Variants in STK32B observed in about 807,000 individuals in gnomAD.
STK32B encodes the protein serine/threonine kinase 32B.
STK32B carries 43 observed loss-of-function variants against 52.6 expected under a neutral mutation model. The ratio of observed to expected loss-of-function variants is 0.82; its 90% CI spans 0.64 to 1.05. STK32B has a LOEUF of 1.05. STK32B is among the 50% of genes least tolerant of loss of function. The probability of loss-of-function intolerance (pLI) is 0.00; values close to 1 mark genes in which losing one functional copy is unlikely to be tolerated. For synonymous variants in STK32B, 238 were observed against 204.3 expected (o/e 1.17, Z -1.41); for missense variants, 621 against 534.6 (o/e 1.16, Z -1.59).
Position 5,113,832 on chromosome 4 carries a change from G to A in STK32B, c.53-26073G>A, listed in dbSNP as rs150971416. On this transcript the variant is annotated intron_variant, in intron 1 of 11. Transcript: ENST00000282908. ...CTTACAGTTCCACATGGCCGGGGAG[G>A]CCTCACAATCATGGTGGAAGGCAAG... Among the ~76,000 whole-genome samples, 1,190 of 152,256 alleles carry A rather than the reference G, an allele frequency of 7.8e-3. 18 individuals carry two copies. Among genetic ancestry groups the A allele is most frequent in the African/African-American group, 0.027 (1,118 of 41,534 alleles).
At chr4:5,023,615 C>T in the STK32B span, among the ~76,000 whole-genome samples, 1 of 152,194 alleles carries the variant, frequency 6.6e-6, no homozygotes, top group African/African-American at 2.4e-5. Flanking sequence ...TCTCTACCTC[C>T]ACTCCTCCCT....
Position 5,460,569 on chromosome 4 carries a change from T to C in STK32B, c.909+341T>C, listed in dbSNP as rs1304098264. Among the ~76,000 whole-genome samples, 3 of 152,262 alleles carry C rather than the reference T, an allele frequency of 2.0e-5. No individual in the cohort carries two copies. The highest frequency in any genetic ancestry group is 6.5e-5 in the Admixed American group (1 of 15,292). Reference sequence around the variant, plus strand: ...CTGCCGAGTAGAGGAAGACAGGCAATGACCTACCCCGACAGGGCAGTCAGC... The same window carrying C: ...CTGCCGAGTAGAGGAAGACAGGCAACGACCTACCCCGACAGGGCAGTCAGC... On this transcript the variant is annotated intron_variant, in intron 9 of 11. Transcript: ENST00000282908. This position sits in a 1 kb window ranked among gnomAD's most constrained non-coding sequence, Gnocchi z 4.8.
intron 2 of STK32B, among the ~76,000 whole-genome samples, chr4:5,152,758 G>T (rs974670227): frequency 6.6e-6 from 1 of 152,258 alleles, no homozygotes; most frequent in African/African-American, 2.4e-5. Context: ...TAAGCCTGAG[G>T]TGTGTGGATG....
chr4:5,134,924 C>T (rs1715988040), intron 1 of STK32B, among the ~76,000 whole-genome samples: 1 of 152,214 alleles, frequency 6.6e-6, no homozygotes, highest in South Asian at 2.1e-4. Flanking sequence ...TTTGAATAAA[C>T]AGCTTCATGA....
intron 6 of STK32B, among the ~76,000 whole-genome samples, chr4:5,446,153 G>C (rs1042234687): frequency 4.6e-5 from 7 of 152,216 alleles, no homozygotes; most frequent in African/African-American, 1.7e-4. Flanking sequence ...ATTCCACCCG[G>C]TAGTGTCACG....
rs374665885 is a variant in STK32B, at chr4:5,498,934, C to A, written c.1107-11C>A. The A allele has an allele frequency of 6.2e-7, 1 of 1,610,280 alleles. No individual in the cohort carries two copies. Among genetic ancestry groups the A allele is most frequent in the Non-Finnish European group, 8.5e-7 (1 of 1,178,016 alleles). On this transcript the variant is annotated splice_polypyrimidine_tract_variant and intron_variant, in intron 11 of 11. Transcript: ENST00000282908. Reference sequence around the variant, plus strand: ...GCCGCACCACTAACTCAGATCTGTGCTTGTTTGCAGGCTCAGGAGGCAGCA... The same window carrying A: ...GCCGCACCACTAACTCAGATCTGTGATTGTTTGCAGGCTCAGGAGGCAGCA...
intron 1 of STK32B, among the ~76,000 whole-genome samples, chr4:5,052,611 A>C (rs1281694346): frequency 6.6e-6 from 1 of 151,964 alleles, no homozygotes; most frequent in African/African-American, 2.4e-5. Flanking sequence ...TGGAAAACTT[A>C]CTTCACCTCT....
chr4:5,307,004 C>G (rs1729966878), intron 3 of STK32B, among the ~76,000 whole-genome samples: 1 of 152,166 alleles, frequency 6.6e-6, no homozygotes, highest in Non-Finnish European at 1.5e-5. Context: ...GCTAAGAAAT[C>G]TGCTGTTAAT....
chr4:5,309,994 C>T (rs1220340035), intron 3 of STK32B, among the ~76,000 whole-genome samples: 1 of 152,038 alleles, frequency 6.6e-6, no homozygotes, highest in African/African-American at 2.4e-5. Flanking sequence ...GGTGAAACCT[C>T]ATCTCTACTA....
intron 3 of STK32B, among the ~76,000 whole-genome samples, chr4:5,266,962 C>T (rs1240190906): frequency 6.6e-6 from 1 of 152,100 alleles, no homozygotes; most frequent in East Asian, 1.9e-4. Context: ...TTGCCCACTG[C>T]AGCACAGGTT....
In STK32B at chr4:5,460,472, C is replaced by T. The variant is rs1035204691; in HGVS notation, c.909+244C>T. Reference sequence around the variant, plus strand: ...CCAAGCCTTCTCTCTGTCACTGAATCCCACCTCCAGGTGCTCAGGTCCAGG... The same window carrying T: ...CCAAGCCTTCTCTCTGTCACTGAATTCCACCTCCAGGTGCTCAGGTCCAGG... On this transcript the variant is annotated intron_variant, in intron 9 of 11. Coordinates refer to ENST00000282908, the MANE Select transcript of STK32B (RefSeq NM_018401.3). The surrounding 1 kb of genome is among the most constrained non-coding windows in gnomAD (Gnocchi z 4.8). 1.3e-5 allele frequency among the ~76,000 whole-genome samples: 2 copies of T among 152,210 alleles called. No individual in the cohort carries two copies. Among genetic ancestry groups the T allele is most frequent in the Non-Finnish European group, 2.9e-5 (2 of 68,036 alleles).
rs556336732 is a variant in STK32B, at chr4:5,199,427, C to G, written c.260+30977C>G. 2.4e-3 allele frequency among the ~76,000 whole-genome samples: 365 copies of G among 151,548 alleles called. 1 individual carries two copies. The highest frequency in any genetic ancestry group is 8.5e-3 in the African/African-American group (350 of 41,306). ...CTGAATATTTGAAAACCTATTGGTG[C>G]CTTATGTGGCTTTGAACTGTTGCCT... is the stretch of plus-strand genomic sequence containing the variant. On this transcript the variant is annotated intron_variant, in intron 3 of 11. Transcript: ENST00000282908.
At chr4:5,463,733 C>T (rs1316541080) in intron 9 of STK32B, among the ~76,000 whole-genome samples, 13 of 152,168 alleles carry the variant, frequency 8.5e-5, no homozygotes, top group African/African-American at 2.9e-4. Context: ...TCTGTAGCCT[C>T]CCCTCTGGCT....
chr4:5,043,112 C>CAAAA, the STK32B span, among the ~76,000 whole-genome samples: 2 of 74,366 alleles, frequency 2.7e-5, no homozygotes, highest in Non-Finnish European at 5.0e-5. Flanking sequence ...GACTCCGTCT[C>CAAAA]AAAAAAAAAA....
At chr4:5,446,547 A>G in intron 6 of STK32B, 126 bp from the exon 7 acceptor site, 2 of 768,896 alleles carry the variant, frequency 2.6e-6, no homozygotes, top group Non-Finnish European at 4.1e-6. Context: ...GCAGAGCAAA[A>G]CTCTATCTCA....
intron 3 of STK32B, among the ~76,000 whole-genome samples, chr4:5,239,809 T>A (rs1724887939): frequency 6.6e-6 from 1 of 152,086 alleles, no homozygotes; most frequent in Non-Finnish European, 1.5e-5. Context: ...ATCTGGTCCC[T>A]GGTCTCCAAC....
intron 1 of STK32B, among the ~76,000 whole-genome samples, chr4:5,085,627 T>G (rs1378458288): frequency 6.6e-6 from 1 of 152,190 alleles, no homozygotes; most frequent in African/African-American, 2.4e-5. Context: ...AGTAAGGAAC[T>G]CTGAAATTCC....
intron 11 of STK32B, among the ~76,000 whole-genome samples, chr4:5,474,881 G>A (rs1718115738): frequency 6.6e-6 from 1 of 152,136 alleles, no homozygotes; most frequent in African/African-American, 2.4e-5. Context: ...AGGGTTTACT[G>A]CCCAATGAGG....
chr4:5,152,398 G>C (rs551785639), intron 2 of STK32B, among the ~76,000 whole-genome samples: 1 of 152,328 alleles, frequency 6.6e-6, no homozygotes. Context: ...GTTGATAACT[G>C]TTCTCACTTG....
Sources: gnomAD v4.1 joint callset for allele counts (sites outside exome capture counted in the v4.1 genomes callset) on GRCh38, gnomAD v4.1.1 for gene constraint, Gnocchi (gnomAD v3.1) non-coding constraint, MANE v1.5 for transcripts, NCBI Gene and HGNC (gene_info 2026-07-23, HGNC 2026-07-21) for gene names.